EFR3A: variants seen among roughly 807,000 people sequenced by gnomAD.
The protein encoded by EFR3A is EFR3 homolog A.
A neutral mutation model predicts 104.4 loss-of-function variants in EFR3A; 76 were observed. The observed-to-expected ratio is 0.73, with a 90% CI of 0.60 to 0.88. The LOEUF (loss-of-function observed/expected upper bound fraction) is 0.88, where lower values mean the gene tolerates loss of function less well. EFR3A is among the 40% of genes least tolerant of loss of function. EFR3A has a pLI of 0.00. For synonymous variants in EFR3A, 330 were observed against 330.0 expected (o/e 1.00, Z 0.00); for missense variants, 985 against 1,012.5 (o/e 0.97, Z 0.37).
At chr8:131,939,267 C>T (rs1027234447) in intron 1 of EFR3A, among the ~76,000 whole-genome samples, 2 of 152,024 alleles carry the variant, frequency 1.3e-5, no homozygotes, top group Non-Finnish European at 2.9e-5. Flanking sequence ...AAGTAACGCA[C>T]CCAGCCCAGC....
chr8:131,921,910 T>G (rs537935446), intron 1 of EFR3A, among the ~76,000 whole-genome samples: 1 of 152,170 alleles, frequency 6.6e-6, no homozygotes, highest in African/African-American at 2.4e-5. Context: ...CGAAATCTTA[T>G]GTGTATTAGT....
intron 22 of EFR3A, 131 bp downstream of exon 22, chr8:132,003,416 A>T (rs558064815): frequency 2.4e-6 from 2 of 844,212 alleles, no homozygotes; most frequent in Non-Finnish European, 3.8e-6. Context: ...GGATTAACAT[A>T]AGATCATATA....
intron 8 of EFR3A, among the ~76,000 whole-genome samples, chr8:131,966,024 A>G (rs1164168500): frequency 6.6e-6 from 1 of 152,222 alleles, no homozygotes; most frequent in African/African-American, 2.4e-5. Context: ...GAACACATGG[A>G]CACAGGAAGG....
intron 1 of EFR3A, among the ~76,000 whole-genome samples, chr8:131,914,229 T>G (rs928727366): frequency 6.6e-6 from 1 of 152,110 alleles, no homozygotes; most frequent in Non-Finnish European, 1.5e-5. Context: ...TGGGCTGGAG[T>G]ATGTGAATTT....
chr8:131,993,786 G>C (rs1324764125), intron 18 of EFR3A, among the ~76,000 whole-genome samples: 1 of 151,888 alleles, frequency 6.6e-6, no homozygotes, highest in Non-Finnish European at 1.5e-5. Context: ...TTGCTGTTGT[G>C]AGCAGTGCTG....
intron 19 of EFR3A, among the ~76,000 whole-genome samples, chr8:131,997,784 G>A (rs747859235): frequency 6.6e-6 from 1 of 151,990 alleles, no homozygotes; most frequent in East Asian, 1.9e-4. Context: ...GGGACACTAT[G>A]TGTTATTGAC....
At chr8:131,962,832 CA>C (rs1484631337) in intron 8 of EFR3A, among the ~76,000 whole-genome samples, 1 of 152,204 alleles carries the variant, frequency 6.6e-6, no homozygotes, top group Non-Finnish European at 1.5e-5. Flanking sequence ...AAGCACTCCT[CA>C]GCAAATGTAA....
chr8:131,981,293 C>T (rs369765492), intron 14 of EFR3A, among the ~76,000 whole-genome samples: 24 of 152,088 alleles, frequency 1.6e-4, no homozygotes, highest in African/African-American at 5.3e-4. Flanking sequence ...ATTTGAAAAG[C>T]TGTAATTTAA....
chr8:131,979,214 C>G, intron 13 of EFR3A, 132 bp from the exon 14 acceptor site: 1 of 945,104 alleles, frequency 1.1e-6, no homozygotes, highest in South Asian at 1.9e-5. Context: ...ATGTACTCTT[C>G]AGAAGCAATT....
intron 1 of EFR3A, among the ~76,000 whole-genome samples, chr8:131,909,171 G>T (rs775366780): frequency 2.6e-5 from 4 of 152,226 alleles, no homozygotes; most frequent in Non-Finnish European, 5.9e-5. Flanking sequence ...ATGCAGAATA[G>T]ATTGAATTGT....
chr8:131,961,735 G>A (rs540354719), intron 8 of EFR3A, among the ~76,000 whole-genome samples: 2,577 of 152,172 alleles, frequency 0.017, 30 homozygotes, highest in Middle Eastern at 0.044. Flanking sequence ...CTCGAGAAGA[G>A]CAACTCCAAG....
At chr8:131,926,244 T>G (rs1201184731) in intron 1 of EFR3A, among the ~76,000 whole-genome samples, 1 of 152,184 alleles carries the variant, frequency 6.6e-6, no homozygotes, top group Non-Finnish European at 1.5e-5. Flanking sequence ...TTTCAGAATA[T>G]ATTATGGTGA....
intron 14 of EFR3A, among the ~76,000 whole-genome samples, chr8:131,980,050 T>C (rs535251274): frequency 6.6e-6 from 1 of 152,254 alleles, no homozygotes; most frequent in Admixed American, 6.5e-5. Flanking sequence ...TGCTATACAC[T>C]GAGTCAATAT....
intron 14 of EFR3A, 113 bp downstream of exon 14, chr8:131,979,534 T>A: frequency 1.3e-6 from 1 of 741,206 alleles, no homozygotes; most frequent in Non-Finnish European, 2.2e-6. Flanking sequence ...ATTTTGAATT[T>A]GAAAGACCTC....
chr8:131,991,774 G>A (rs998252479), intron 18 of EFR3A, among the ~76,000 whole-genome samples: 1 of 152,128 alleles, frequency 6.6e-6, no homozygotes, highest in Non-Finnish European at 1.5e-5. Flanking sequence ...TCAAGAAAGT[G>A]AAAGGAAAGT....
At position 131,953,936 on chromosome 8, in the gene EFR3A, T is replaced by C; in HGVS notation, c.607T>C (p.Phe203Leu). The change falls in exon 6 of 23, where the codon TTT becomes CTT. Residue 203 changes from phenylalanine to leucine, a missense_variant. Physicochemically the swap from Phe to Leu is conservative, Grantham distance 22 (BLOSUM62 0). Transcript: ENST00000254624. ...HMDKIVPSLL[F>L]NMQKIEEVDS... Reference sequence around the variant, plus strand: ...GGATAAGATTGTTCCATCCCTCCTGTTTAACATGCAAAAGATAGAAGAAGT... The same window carrying C: ...GGATAAGATTGTTCCATCCCTCCTGCTTAACATGCAAAAGATAGAAGAAGT... 6.4e-7 allele frequency: 1 copy of C among 1,561,794 alleles called. No individual in the cohort carries two copies. The highest frequency in any genetic ancestry group is 8.7e-7 in the Non-Finnish European group (1 of 1,153,146).
At chr8:131,904,398 C>G (rs575393510) in intron 1 of EFR3A, 76 bp downstream of exon 1, 6 of 1,221,862 alleles carry the variant, frequency 4.9e-6, no homozygotes, top group Non-Finnish European at 6.1e-6. Flanking sequence ...GTACTCCTCC[C>G]GGGCGGCTGG....
At chr8:131,929,189 G>A (rs537880835) in intron 1 of EFR3A, among the ~76,000 whole-genome samples, 3 of 152,216 alleles carry the variant, frequency 2.0e-5, no homozygotes, top group Non-Finnish European at 2.9e-5. Context: ...TTTTACCCCA[G>A]AGTGTATCCT....
rs77266907 is a variant in EFR3A, at chr8:131,925,186, C to T, written c.11-15313C>T. ...ATATCACAGACTAGTCCCTTTTTCACATGATGTCCTTTAAATATTTGAGTA... is the reference window on the plus strand; with the variant it reads ...ATATCACAGACTAGTCCCTTTTTCATATGATGTCCTTTAAATATTTGAGTA... On this transcript the variant is annotated intron_variant, in intron 1 of 22. Coordinates refer to ENST00000254624, the MANE Select transcript of EFR3A (RefSeq NM_015137.6). Among the ~76,000 whole-genome samples the T allele has an allele frequency of 5.2e-3, 798 of 152,224 alleles. 10 individuals are homozygous for T. The highest frequency in any genetic ancestry group is 0.018 in the African/African-American group (755 of 41,548).
Sources: gnomAD v4.1 joint callset for allele counts (sites outside exome capture counted in the v4.1 genomes callset) on GRCh38, gnomAD v4.1.1 for gene constraint, MANE v1.5 for transcripts, NCBI Gene and HGNC (gene_info 2026-07-23, HGNC 2026-07-21) for gene names.